Variants in H2AC14 observed in about 807,000 individuals in gnomAD.
H2AC14 encodes the protein H2A clustered histone 14.
In H2AC14, 6 loss-of-function variants were observed where a neutral mutation model predicts 5.7. That is an observed-to-expected ratio of 1.05 (90% CI 0.57 to 2.07). H2AC14 has a LOEUF of 2.07. Among genes scored for constraint, H2AC14 ranks in the 30% most tolerant of loss-of-function variants. H2AC14 has a pLI of 0.00. For missense variants in H2AC14, 136 were observed against 174.6 expected (o/e 0.78, Z 1.25); for synonymous variants, 121 against 79.3 (o/e 1.53, Z -2.80).
chr6:27,814,591 C>T lies in H2AC14; in HGVS notation c.150G>A (p.Val50=), dbSNP rs1329192378. The T allele has an allele frequency of 1.3e-6, 2 of 1,597,678 alleles. No homozygotes were observed. The highest frequency in any genetic ancestry group is 2.2e-5 in the South Asian group (2 of 89,940). The change falls in exon 1 of 1, where the codon GTG becomes GTA. Residue 50 remains valine, a synonymous_variant. Transcript: ENST00000333151. ...GGTACTCCAGCACCGCCGCCAGGTACACCGGCGCTCCAGCACCGACCCGCT... is the reference window on the plus strand; with the variant it reads ...GGTACTCCAGCACCGCCGCCAGGTATACCGGCGCTCCAGCACCGACCCGCT... ...YAERVGAGAP[V]YLAAVLEYLT... is the part of the protein sequence containing the mutation.
In H2AC14 at chr6:27,814,765, G is replaced by T; in HGVS notation, c.-25C>A. Reference sequence around the variant, plus strand: ...TGGCAAAAGGTCTATTACCTTTACGGTCAAGAAAGACTGAAATGAAATTGG... The same window carrying T: ...TGGCAAAAGGTCTATTACCTTTACGTTCAAGAAAGACTGAAATGAAATTGG... On this transcript the variant is annotated 5_prime_UTR_variant, in exon 1 of 1. Coordinates refer to ENST00000333151, the MANE Select transcript of H2AC14 (RefSeq NM_021066.3). 5.2e-6 allele frequency: 8 copies of T among 1,525,796 alleles called. No individual in the cohort carries two copies. The highest frequency in any genetic ancestry group is 7.0e-6 in the Non-Finnish European group (8 of 1,139,422). 94.5% of individuals were successfully genotyped at this position (1,525,796 alleles called of 1,614,324 possible).
At position 27,814,352 on chromosome 6, in the gene H2AC14, CT is replaced by C; in HGVS notation, c.*1del. 1 of 1,612,912 alleles carries C rather than the reference CT, an allele frequency of 6.2e-7. No homozygotes were observed. The highest frequency in any genetic ancestry group is 8.5e-7 in the Non-Finnish European group (1 of 1,179,416). ...GTTTTTATGCGCTTTTCAACTCGGT[CT>C]TTACTTAGTCTTGTGGTGGCTCTCA... On this transcript the variant is annotated 3_prime_UTR_variant, in exon 1 of 1. Transcript: ENST00000333151.
Position 27,814,412 on chromosome 6 carries a change from G to A in H2AC14, c.329C>T (p.Pro110Leu). ...KVTIAQGGVLPNIQAVLLPKK... is the reference protein window; with the variant it reads ...KVTIAQGGVLLNIQAVLLPKK... ...TGGCAGCAGCACGGCCTGGATGTTG[G>A]GCAGGACGCCACCCTGTGCGATGGT... The change falls in exon 1 of 1, where the codon CCC becomes CTC. Residue 110 changes from proline (P) to leucine (L), a missense_variant. Pro to Leu is a moderately conservative substitution (Grantham distance 98). Around this residue, in one of 2 missense-constraint regions of H2AC14, gnomAD observed 100 missense variants for 152.3 expected, o/e 0.66. Coordinates refer to ENST00000333151, the MANE Select transcript of H2AC14 (RefSeq NM_021066.3). The A allele has an allele frequency of 6.2e-7, 1 of 1,614,170 alleles. No individual in the cohort carries two copies. The highest frequency in any genetic ancestry group is 8.5e-7 in the Non-Finnish European group (1 of 1,180,038).
At position 27,814,680 on chromosome 6, in the gene H2AC14, G is replaced by T; in HGVS notation, c.61C>A (p.Arg21=). 1 of 1,551,128 alleles carries T rather than the reference G, an allele frequency of 6.4e-7. No individual in the cohort carries two copies. Among genetic ancestry groups the T allele is most frequent in the Non-Finnish European group, 8.7e-7 (1 of 1,153,136 alleles). ...CCTACGGGAAACTGAAGCCCGGCCCGAGAAGAGCGGGTCTTGGCCTTGGCG... is the reference window on the plus strand; with the variant it reads ...CCTACGGGAAACTGAAGCCCGGCCCTAGAAGAGCGGGTCTTGGCCTTGGCG... The part of the protein sequence containing the change: ...ARAKAKTRSS[R]AGLQFPVGRV... Residue 21 remains arginine (R), a synonymous_variant, in exon 1 of 1, where the codon CGG becomes AGG. Transcript: ENST00000333151.
Position 27,814,519 on chromosome 6 carries a change from G to C in H2AC14, c.222C>G (p.Asn74Lys), listed in dbSNP as rs769380786. The stretch of plus-strand genomic sequence containing the variant: ...GACGCGGGATGATGCGAGTCTTCTT[G>C]TTGTCGCGGGCCGCGTTGCCAGCCA... ...LELAGNAARD[N>K]KKTRIIPRHL... is the part of the protein sequence containing the mutation. Residue 74 changes from asparagine (N) to lysine (K), a missense_variant, in exon 1 of 1, where the codon AAC (asparagine) becomes AAG (lysine). Transcript: ENST00000333151. 11 of 1,610,104 alleles carry C rather than the reference G, an allele frequency of 6.8e-6. No individual in the cohort carries two copies. Among genetic ancestry groups the C allele is most frequent in the Non-Finnish European group, 8.5e-6 (10 of 1,177,054 alleles).
In H2AC14 at chr6:27,814,643, C is replaced by G; in HGVS notation, c.98G>C (p.Arg33Pro). 1 of 1,550,530 alleles carries G rather than the reference C, an allele frequency of 6.4e-7. No individual in the cohort carries two copies. Among genetic ancestry groups the G allele is most frequent in the Non-Finnish European group, 8.7e-7 (1 of 1,150,202 alleles). Residue 33 changes from arginine (R) to proline (P), a missense_variant, in exon 1 of 1, where the codon CGC becomes CCC. By Grantham distance (103) the Arg-to-Pro change is moderately radical. Transcript: ENST00000333151. ...GLQFPVGRVH[R>P]LLRKGNYAER... ...CGCATAGTTGCCTTTGCGGAGCAGG[C>G]GATGCACTCGGCCTACGGGAAACTG...
chr6:27,814,770 G>T lies in H2AC14; in HGVS notation c.-30C>A. 1 of 1,523,406 alleles carries T rather than the reference G, an allele frequency of 6.6e-7. No homozygotes were observed. Among genetic ancestry groups the T allele is most frequent in the East Asian group, 2.3e-5 (1 of 44,116 alleles). 94.4% of individuals were successfully genotyped at this position (1,523,406 alleles called of 1,614,324 possible). A position where few individuals can be genotyped will look rare whatever the true frequency, so the allele number is the denominator to read the frequency against. ...AAAGGTCTATTACCTTTACGGTCAA[G>T]AAAGACTGAAATGAAATTGGAAAAA... On this transcript the variant is annotated 5_prime_UTR_variant, in exon 1 of 1. Coordinates refer to ENST00000333151, the MANE Select transcript of H2AC14 (RefSeq NM_021066.3).
Position 27,814,398 on chromosome 6 carries a change from C to A in H2AC14, c.343G>T (p.Val115Leu), listed in dbSNP as rs749661944. 2 of 1,614,190 alleles carry A rather than the reference C, an allele frequency of 1.2e-6. No homozygotes were observed. Among genetic ancestry groups the A allele is most frequent in the Admixed American group, 1.7e-5 (1 of 60,020 alleles). Residue 115 changes from valine (V) to leucine (L), a missense_variant, in exon 1 of 1, where the codon GTG becomes TTG. Coordinates refer to ENST00000333151, the MANE Select transcript of H2AC14 (RefSeq NM_021066.3). The stretch of plus-strand genomic sequence containing the variant: ...CTCTCAGTTTTCTTTGGCAGCAGCA[C>A]GGCCTGGATGTTGGGCAGGACGCCA... The part of the protein sequence containing the change: ...QGGVLPNIQA[V>L]LLPKKTESHH...
At position 27,814,763 on chromosome 6, in the gene H2AC14, C is replaced by T. The variant is rs760444325; in HGVS notation, c.-23G>A. ...CATGGCAAAAGGTCTATTACCTTTACGGTCAAGAAAGACTGAAATGAAATT... is the reference window on the plus strand; with the variant it reads ...CATGGCAAAAGGTCTATTACCTTTATGGTCAAGAAAGACTGAAATGAAATT... On this transcript the variant is annotated 5_prime_UTR_variant, in exon 1 of 1. Coordinates refer to ENST00000333151, the MANE Select transcript of H2AC14 (RefSeq NM_021066.3). 9.8e-6 allele frequency: 15 copies of T among 1,527,760 alleles called. No homozygotes were observed. The highest frequency in any genetic ancestry group is 1.4e-5 in the African/African-American group (1 of 71,708). 94.6% of individuals were successfully genotyped at this position (1,527,760 alleles called of 1,614,324 possible).
At position 27,814,510 on chromosome 6, in the gene H2AC14, A is replaced by T. The variant is rs770611224; in HGVS notation, c.231T>A (p.Thr77=). 105 of 1,610,772 alleles carry T rather than the reference A, an allele frequency of 6.5e-5. 4 individuals carry two copies. The highest frequency in any genetic ancestry group is 4.0e-4 in the East Asian group (18 of 44,774). Residue 77 remains threonine (T), a synonymous_variant, in exon 1 of 1, where the codon ACT becomes ACA. Transcript: ENST00000333151. The part of the protein sequence containing the change: ...AGNAARDNKK[T]RIIPRHLQLA... ...GCTGGAGGTGACGCGGGATGATGCG[A>T]GTCTTCTTGTTGTCGCGGGCCGCGT... is the stretch of plus-strand genomic sequence containing the variant.
At position 27,814,615 on chromosome 6, in the gene H2AC14, C is replaced by T; in HGVS notation, c.126G>A (p.Glu42=). The change falls in exon 1 of 1, where the codon GAG becomes GAA. Residue 42 remains glutamate, a synonymous_variant. Transcript: ENST00000333151. ...HRLLRKGNYA[E]RVGAGAPVYL... is the part of the protein sequence containing the mutation. ...ACACCGGCGCTCCAGCACCGACCCG[C>T]TCCGCATAGTTGCCTTTGCGGAGCA... The T allele has an allele frequency of 1.3e-6, 2 of 1,579,816 alleles. No individual in the cohort carries two copies. The highest frequency in any genetic ancestry group is 1.7e-6 in the Non-Finnish European group (2 of 1,161,652).
rs553061767 is a variant in H2AC14, at chr6:27,814,648, C to T, written c.93G>A (p.Val31=). ...RAGLQFPVGR[V]HRLLRKGNYA... is the part of the protein sequence containing the mutation. ...AGTTGCCTTTGCGGAGCAGGCGATG[C>T]ACTCGGCCTACGGGAAACTGAAGCC... Residue 31 remains valine, a synonymous_variant, in exon 1 of 1, where the codon GTG becomes GTA. Transcript: ENST00000333151. 28 of 1,546,638 alleles carry T rather than the reference C, an allele frequency of 1.8e-5. 1 individual carries two copies. In the South Asian group the frequency reaches 2.9e-4, roughly 16 times the overall value.
At position 27,814,714 on chromosome 6, in the gene H2AC14, G is replaced by A. The variant is rs1170938520; in HGVS notation, c.27C>T (p.Gly9=). 3.8e-6 allele frequency: 6 copies of A among 1,565,286 alleles called. No individual in the cohort carries two copies. In the Admixed American group the frequency reaches 5.9e-5, roughly 15 times the overall value. The change falls in exon 1 of 1, where the codon GGC becomes GGT. Residue 9 remains glycine, a synonymous_variant. Coordinates refer to ENST00000333151, the MANE Select transcript of H2AC14 (RefSeq NM_021066.3). The part of the protein sequence containing the change: MSGRGKQG[G]KARAKAKTRS... ...GGGTCTTGGCCTTGGCGCGAGCTTTGCCTCCCTGCTTACCACGCCCAGACA... is the reference window on the plus strand; with the variant it reads ...GGGTCTTGGCCTTGGCGCGAGCTTTACCTCCCTGCTTACCACGCCCAGACA...
At position 27,814,772 on chromosome 6, in the gene H2AC14, A is replaced by G; in HGVS notation, c.-32T>C. ...AGGTCTATTACCTTTACGGTCAAGA[A>G]AGACTGAAATGAAATTGGAAAAACG... On this transcript the variant is annotated 5_prime_UTR_variant, in exon 1 of 1. Coordinates refer to ENST00000333151, the MANE Select transcript of H2AC14 (RefSeq NM_021066.3). 6.6e-7 allele frequency: 1 copy of G among 1,523,402 alleles called. No individual in the cohort carries two copies. The highest frequency in any genetic ancestry group is 8.8e-7 in the Non-Finnish European group (1 of 1,138,236). The allele number at this position is 1,523,402 out of a possible 1,614,324, so 94.4% of individuals were successfully genotyped here. A position where few individuals can be genotyped will look rare whatever the true frequency, so the allele number is the denominator to read the frequency against.
In H2AC14 at chr6:27,814,747, A is replaced by G; in HGVS notation, c.-7T>C. On this transcript the variant is annotated 5_prime_UTR_variant, in exon 1 of 1. Transcript: ENST00000333151. ...GCTTACCACGCCCAGACATGGCAAA[A>G]GGTCTATTACCTTTACGGTCAAGAA... 1 of 1,550,786 alleles carries G rather than the reference A, an allele frequency of 6.4e-7. No homozygotes were observed. The highest frequency in any genetic ancestry group is 8.7e-7 in the Non-Finnish European group (1 of 1,150,582).
Position 27,814,309 on chromosome 6 carries a change from G to A in H2AC14, c.*45C>T, listed in dbSNP as rs376510829. Reference sequence around the variant, plus strand: ...TCATCTTTTTATGATTGTTGAAGTGGCTCTGAAAAGAGCCTTTGTTTTTAT... The same window carrying A: ...TCATCTTTTTATGATTGTTGAAGTGACTCTGAAAAGAGCCTTTGTTTTTAT... On this transcript the variant is annotated 3_prime_UTR_variant, in exon 1 of 1. Transcript: ENST00000333151. 1.9e-6 allele frequency: 3 copies of A among 1,596,164 alleles called. No individual in the cohort carries two copies. The highest frequency in any genetic ancestry group is 1.4e-5 in the African/African-American group (1 of 74,058).
At position 27,814,773 on chromosome 6, in the gene H2AC14, A is replaced by C; in HGVS notation, c.-33T>G. On this transcript the variant is annotated 5_prime_UTR_variant, in exon 1 of 1. Coordinates refer to ENST00000333151, the MANE Select transcript of H2AC14 (RefSeq NM_021066.3). ...GGTCTATTACCTTTACGGTCAAGAAAGACTGAAATGAAATTGGAAAAACGT... is the reference window on the plus strand; with the variant it reads ...GGTCTATTACCTTTACGGTCAAGAACGACTGAAATGAAATTGGAAAAACGT... The C allele has an allele frequency of 1.3e-6, 2 of 1,523,070 alleles. No homozygotes were observed. Among genetic ancestry groups the C allele is most frequent in the Non-Finnish European group, 1.8e-6 (2 of 1,138,058 alleles). 94.3% of individuals were successfully genotyped at this position (1,523,070 alleles called of 1,614,324 possible).
Position 27,814,665 on chromosome 6 carries a change from A to T in H2AC14, c.76T>A (p.Phe26Ile). ...AGGCGATGCACTCGGCCTACGGGAA[A>T]CTGAAGCCCGGCCCGAGAAGAGCGG... ...KTRSSRAGLQ[F>I]PVGRVHRLLR... Residue 26 changes from phenylalanine to isoleucine, a missense_variant, in exon 1 of 1, where the codon TTT becomes ATT. Phe to Ile is a conservative substitution (Grantham distance 21). Around this residue, in one of 2 missense-constraint regions of H2AC14, gnomAD observed 100 missense variants for 152.3 expected, o/e 0.66. Coordinates refer to ENST00000333151, the MANE Select transcript of H2AC14 (RefSeq NM_021066.3). 2.6e-6 allele frequency: 4 copies of T among 1,547,306 alleles called. No individual in the cohort carries two copies. The highest frequency in any genetic ancestry group is 3.5e-6 in the Non-Finnish European group (4 of 1,151,332).
Position 27,814,305 on chromosome 6 carries a change from A to AG in H2AC14, c.*48dup. 6.3e-7 allele frequency: 1 copy of AG among 1,590,758 alleles called. No individual in the cohort carries two copies. The highest frequency in any genetic ancestry group is 8.6e-7 in the Non-Finnish European group (1 of 1,168,102). ...CGTGTCATCTTTTTATGATTGTTGA[A>AG]GTGGCTCTGAAAAGAGCCTTTGTTT... On this transcript the variant is annotated 3_prime_UTR_variant, in exon 1 of 1. Coordinates refer to ENST00000333151, the MANE Select transcript of H2AC14 (RefSeq NM_021066.3).
Sources: gnomAD v4.1 joint callset for allele counts on GRCh38, gnomAD v4.1.1 for gene constraint, gnomAD v4.1.1 regional missense constraint, MANE v1.5 for transcripts, NCBI Gene and HGNC (gene_info 2026-07-23, HGNC 2026-07-21) for gene names.